Variants in SUGCT observed in about 807,000 individuals in gnomAD.
The protein encoded by SUGCT is succinyl-CoA:glutarate-CoA transferase, also known as succinyl-CoA:glutarate CoA-transferase.
A neutral mutation model predicts 55.0 loss-of-function variants in SUGCT; 41 were observed. The observed-to-expected ratio is 0.74, with a 90% CI of 0.58 to 0.97. SUGCT has a LOEUF of 0.97. SUGCT is among the 50% of genes least tolerant of loss of function. The pLI is 0.00. For missense variants in SUGCT, 568 were observed against 547.8 expected, an observed-to-expected ratio of 1.04 and a Z score of -0.37; for synonymous variants, 187 against 200.4, an observed-to-expected ratio of 0.93 and a Z score of 0.56.
intron 12 of SUGCT, among the ~76,000 whole-genome samples, chr7:40,499,770 A>C (rs540129759): frequency 2.0e-5 from 3 of 152,298 alleles, no homozygotes; most frequent in South Asian, 2.1e-4. Flanking sequence ...ATAGCCAGTC[A>C]TTTTTCCAAG....
chr7:40,278,502 A>G lies in SUGCT; in HGVS notation c.720+3846A>G, dbSNP rs1792694952. Among the ~76,000 whole-genome samples, 4 of 152,286 alleles carry G rather than the reference A, an allele frequency of 2.6e-5. No individual in the cohort carries two copies. The South Asian group carries it at 6.2e-4, about 24-fold the overall frequency. On this transcript the variant is annotated intron_variant, in intron 8 of 13. Transcript: ENST00000335693. The stretch of plus-strand genomic sequence containing the variant: ...ATATGTTTATTGCGATACTATTCAC[A>G]ATAGCAGATAATTTATTCTACAGCT...
At chr7:40,168,028 C>A (rs566947855) in intron 1 of SUGCT, among the ~76,000 whole-genome samples, 5 of 152,172 alleles carry the variant, frequency 3.3e-5, no homozygotes, top group Admixed American at 3.3e-4. Flanking sequence ...TGCTCTCAGG[C>A]GATATATGAT....
At chr7:40,290,757 C>G (rs1363648751) in intron 8 of SUGCT, among the ~76,000 whole-genome samples, 1 of 152,116 alleles carries the variant, frequency 6.6e-6, no homozygotes, top group African/African-American at 2.4e-5. Flanking sequence ...ACCTACTCAT[C>G]TGACAAAGGG....
chr7:40,978,800 C>T, the SUGCT span, among the ~76,000 whole-genome samples: 16 of 152,240 alleles, frequency 1.1e-4, no homozygotes, highest in African/African-American at 3.9e-4. Context: ...GGCGATGAAG[C>T]CCGAGAAGGG....
chr7:40,547,595 TC>T (rs1390200122), intron 12 of SUGCT, among the ~76,000 whole-genome samples: 8 of 152,200 alleles, frequency 5.3e-5, no homozygotes, highest in African/African-American at 1.9e-4. Flanking sequence ...ATCTTTCAGC[TC>T]TTATTTGAAT....
chr7:40,393,775 C>T (rs1302331408), intron 9 of SUGCT, among the ~76,000 whole-genome samples: 1 of 152,114 alleles, frequency 6.6e-6, no homozygotes, highest in African/African-American at 2.4e-5. Context: ...GATGGTTGTA[C>T]TTTTAGAGCA....
At chr7:40,343,845 A>G (rs905413135) in intron 9 of SUGCT, among the ~76,000 whole-genome samples, 1 of 151,972 alleles carries the variant, frequency 6.6e-6, no homozygotes, top group Non-Finnish European at 1.5e-5. Flanking sequence ...TTTAGTAGAG[A>G]CAGGGTTTCA....
At chr7:40,878,039 C>T in the SUGCT span, among the ~76,000 whole-genome samples, 1 of 152,220 alleles carries the variant, frequency 6.6e-6, no homozygotes, top group Non-Finnish European at 1.5e-5. Context: ...TATCACATTT[C>T]TCTTTCCCTT....
At chr7:40,899,052 C>A in the SUGCT span, among the ~76,000 whole-genome samples, 4 of 152,202 alleles carry the variant, frequency 2.6e-5, no homozygotes, top group East Asian at 7.7e-4. Context: ...CTGTGGCCTC[C>A]AAGCCACTCT....
At chr7:40,998,445 C>T in the SUGCT span, among the ~76,000 whole-genome samples, 2 of 151,950 alleles carry the variant, frequency 1.3e-5, no homozygotes, top group African/African-American at 2.4e-5. Context: ...AGAATAAAGC[C>T]AGAGGAACAA....
intron 13 of SUGCT, among the ~76,000 whole-genome samples, chr7:40,798,496 C>T (rs1468214026): frequency 6.6e-6 from 1 of 152,088 alleles, no homozygotes; most frequent in African/African-American, 2.4e-5. Context: ...TTTTTGTTGA[C>T]AGCAGTGAAA....
At chr7:40,179,355 G>A (rs951037528) in intron 1 of SUGCT, among the ~76,000 whole-genome samples, 1 of 151,416 alleles carries the variant, frequency 6.6e-6, no homozygotes, top group Non-Finnish European at 1.5e-5. Flanking sequence ...GTGCAATGGC[G>A]CCATCTCAGA....
intron 7 of SUGCT, among the ~76,000 whole-genome samples, chr7:40,246,162 A>G (rs912459540): frequency 2.0e-5 from 3 of 152,086 alleles, no homozygotes; most frequent in African/African-American, 7.2e-5. Flanking sequence ...TTCCCAAGCA[A>G]TACTACCTCC....
In SUGCT at chr7:40,658,737, G is replaced by A. The variant is rs1365244293; in HGVS notation, c.1090-90697G>A. 2.0e-5 allele frequency among the ~76,000 whole-genome samples: 3 copies of A among 152,152 alleles called. No individual in the cohort carries two copies. In the East Asian group the frequency reaches 5.8e-4, roughly 29 times the overall value. ...GTTGTGAGTACTTTCTCACAGAGAG[G>A]CTGTTTAGTTTTCCTTTGGCATTTC... On this transcript the variant is annotated intron_variant, in intron 12 of 13. Coordinates refer to ENST00000335693, the MANE Select transcript of SUGCT (RefSeq NM_001193313.2).
the SUGCT span, among the ~76,000 whole-genome samples, chr7:40,935,338 AT>A: frequency 0.039 from 5,917 of 152,256 alleles, 386 homozygotes; most frequent in African/African-American, 0.14. Flanking sequence ...CATCACTTCC[AT>A]TGAATTCGAG....
the SUGCT span, among the ~76,000 whole-genome samples, chr7:40,936,229 T>TTTATTATTA: frequency 1.3e-5 from 2 of 149,240 alleles, no homozygotes; most frequent in African/African-American, 4.9e-5. Context: ...TTGTGGGATG[T>TTTATTATTA]TTATTATTAT....
the SUGCT span, among the ~76,000 whole-genome samples, chr7:41,038,769 T>C: frequency 6.6e-6 from 1 of 152,016 alleles, no homozygotes; most frequent in Admixed American, 6.6e-5. Flanking sequence ...TTGGGCTCCA[T>C]CTCTCTTCAC....
chr7:40,706,421 G>A (rs188371358), intron 12 of SUGCT, among the ~76,000 whole-genome samples: 3 of 152,238 alleles, frequency 2.0e-5, no homozygotes, highest in South Asian at 2.1e-4. Flanking sequence ...CAGGAGAATC[G>A]TTTGAACCCA....
At chr7:40,232,108 C>T (rs1026938340) in intron 6 of SUGCT, among the ~76,000 whole-genome samples, 5 of 152,124 alleles carry the variant, frequency 3.3e-5, no homozygotes, top group Non-Finnish European at 5.9e-5. Flanking sequence ...CTCAATCAAT[C>T]AATCAGTCAA....
Sources: allele counts gnomAD v4.1 joint callset (sites outside exome capture counted in the v4.1 genomes callset), GRCh38; gene constraint gnomAD v4.1.1; transcripts MANE v1.5; gene names NCBI Gene and HGNC (gene_info 2026-07-23, HGNC 2026-07-21).